The following MAP3K20 variants were observed in gnomAD, a reference collection of about 807,000 sequenced individuals.
MAP3K20 encodes HCCS-4.
Under a neutral mutation model 85.7 loss-of-function variants are expected in MAP3K20, and 40 were observed. The observed-to-expected ratio is 0.47, with a 90% CI of 0.36 to 0.61. The LOEUF (loss-of-function observed/expected upper bound fraction) is 0.61, where lower values mean the gene tolerates loss of function less well. MAP3K20 is among the 20% of genes least tolerant of loss of function. MAP3K20 has a pLI of 0.00. For missense variants in MAP3K20, 817 were observed against 961.7 expected, an observed-to-expected ratio of 0.85 and a Z score of 1.99; for synonymous variants, 325 against 327.7, an observed-to-expected ratio of 0.99 and a Z score of 0.09.
At chr2:173,106,541 A>G (rs1228983960) in intron 2 of MAP3K20, among the ~76,000 whole-genome samples, 1 of 152,238 alleles carries the variant, frequency 6.6e-6, no homozygotes, top group Non-Finnish European at 1.5e-5. Context: ...CTGAGAAGCA[A>G]TCAGGTTATG....
intron 11 of MAP3K20, chr2:173,226,291 G>C: frequency 1.0e-6 from 1 of 985,340 alleles, no homozygotes; most frequent in African/African-American, 1.7e-5. Context: ...AGAGTTTTAT[G>C]AAAGACAGTT....
intron 2 of MAP3K20, among the ~76,000 whole-genome samples, chr2:173,130,025 G>C (rs1688562879): frequency 6.6e-6 from 1 of 152,192 alleles, no homozygotes; most frequent in African/African-American, 2.4e-5. Context: ...AACATAAGTT[G>C]ATATATTTCC....
intron 2 of MAP3K20, among the ~76,000 whole-genome samples, chr2:173,107,420 C>T (rs751270717): frequency 2.0e-5 from 3 of 152,088 alleles, no homozygotes; most frequent in Non-Finnish European, 4.4e-5. Context: ...ACATGCGGTC[C>T]TGTAGGAATT....
chr2:173,144,267 T>C (rs990219895), intron 2 of MAP3K20, among the ~76,000 whole-genome samples: 1 of 151,780 alleles, frequency 6.6e-6, no homozygotes, highest in African/African-American at 2.4e-5. Context: ...ATCAAGACCA[T>C]CCAGGCTAAC....
chr2:173,254,693 A>G (rs1303939958), intron 16 of MAP3K20, among the ~76,000 whole-genome samples: 2 of 152,184 alleles, frequency 1.3e-5, no homozygotes, highest in Non-Finnish European at 2.9e-5. Flanking sequence ...CAATTCAATA[A>G]CCATTTGAAT....
At chr2:173,110,241 A>ATTTTTTT (rs1163430418) in intron 2 of MAP3K20, among the ~76,000 whole-genome samples, 2 of 14,228 alleles carry the variant, frequency 1.4e-4, no homozygotes, top group African/African-American at 2.8e-4. Flanking sequence ...ATATATATAT[A>ATTTTTTT]TTTTTTTTTT....
chr2:173,121,293 G>A (rs114771288), intron 2 of MAP3K20, among the ~76,000 whole-genome samples: 55 of 152,258 alleles, frequency 3.6e-4, no homozygotes, highest in East Asian at 5.8e-4. Flanking sequence ...TTCCTTTGTC[G>A]GAAGCAAAGC....
chr2:173,205,116 A>AC (rs1559277727), intron 9 of MAP3K20, among the ~76,000 whole-genome samples: 3 of 141,884 alleles, frequency 2.1e-5, no homozygotes, highest in East Asian at 2.1e-4. Flanking sequence ...AAAAAAAAAA[A>AC]AAAAAATAAA....
intron 3 of MAP3K20, among the ~76,000 whole-genome samples, chr2:173,173,759 A>T (rs1690076132): frequency 6.6e-6 from 1 of 152,228 alleles, no homozygotes; most frequent in Non-Finnish European, 1.5e-5. Context: ...GGTCTTGGTG[A>T]CATTTTATTA....
chr2:173,191,683 T>TA (rs1370574113), intron 7 of MAP3K20, among the ~76,000 whole-genome samples: 2 of 152,244 alleles, frequency 1.3e-5, no homozygotes, highest in African/African-American at 4.8e-5. Flanking sequence ...ACTTAGCACT[T>TA]ACCAGATGAC....
chr2:173,217,998 A>C (rs995968603), intron 11 of MAP3K20, among the ~76,000 whole-genome samples: 4 of 152,232 alleles, frequency 2.6e-5, no homozygotes, highest in African/African-American at 9.6e-5. Flanking sequence ...TTCAGGAATT[A>C]AGTATAAATT....
In MAP3K20 at chr2:173,090,964, G is replaced by A. The variant is rs1484856539; in HGVS notation, c.-34-34G>A. 1.7e-5 allele frequency: 26 copies of A among 1,545,666 alleles called. No individual in the cohort carries two copies. The East Asian group carries it at 5.4e-4, about 32-fold the overall frequency. On this transcript the variant is annotated intron_variant, in intron 1 of 19. Transcript: ENST00000375213. ...TCAGAGGATTTAGCCTAATATATTT[G>A]TAATTCAGCTTTTCTTTTTCTTTCT...
intron 2 of MAP3K20, among the ~76,000 whole-genome samples, chr2:173,106,069 C>A (rs1687775236): frequency 6.6e-6 from 1 of 152,072 alleles, no homozygotes; most frequent in Non-Finnish European, 1.5e-5. Context: ...AGAAATATAT[C>A]CTACATTTAT....
At chr2:173,207,914 A>G (rs896432283) in intron 9 of MAP3K20, among the ~76,000 whole-genome samples, 1 of 152,178 alleles carries the variant, frequency 6.6e-6, no homozygotes, top group Non-Finnish European at 1.5e-5. Context: ...TCTATCCAAG[A>G]GTAGGTTCTG....
chr2:173,214,803 G>T (rs117983196), intron 10 of MAP3K20, among the ~76,000 whole-genome samples: 3 of 152,236 alleles, frequency 2.0e-5, no homozygotes, highest in African/African-American at 2.4e-5. Context: ...AGAACAAGAA[G>T]TTTATATAAA....
chr2:173,195,883 C>CTTATTTTTTTCT (rs1690815641), intron 7 of MAP3K20, among the ~76,000 whole-genome samples: 3 of 152,238 alleles, frequency 2.0e-5, no homozygotes, highest in South Asian at 4.1e-4. Flanking sequence ...ATGGAATTGG[C>CTTATTTTTTTCT]TTATTTTTTT....
At chr2:173,228,902 T>G (rs1019117070) in intron 11 of MAP3K20, among the ~76,000 whole-genome samples, 3 of 152,236 alleles carry the variant, frequency 2.0e-5, no homozygotes, top group Non-Finnish European at 4.4e-5. Context: ...CAATTCATTT[T>G]TGGGGGGCAA....
intron 10 of MAP3K20, chr2:173,212,934 A>G (rs1361613260): frequency 6.6e-6 from 1 of 152,200 alleles, no homozygotes; most frequent in Non-Finnish European, 1.5e-5. Flanking sequence ...AAATAAATTT[A>G]AAATGATGGT....
intron 2 of MAP3K20, among the ~76,000 whole-genome samples, chr2:173,168,093 TAA>T (rs1486152370): frequency 2.1e-4 from 16 of 76,746 alleles, no homozygotes; most frequent in African/African-American, 4.7e-4. Flanking sequence ...TAATAATAAA[TAA>T]ACTTTATTTC....
Sources: gnomAD v4.1 joint callset for allele counts (sites outside exome capture counted in the v4.1 genomes callset) on GRCh38, gnomAD v4.1.1 for gene constraint, MANE v1.5 for transcripts, NCBI Gene and HGNC (gene_info 2026-07-23, HGNC 2026-07-21) for gene names.